LRBA: variants seen among roughly 807,000 people sequenced by gnomAD.
The protein encoded by LRBA is LPS responsive beige-like anchor protein.
Under a neutral mutation model 330.0 loss-of-function variants are expected in LRBA, and 176 were observed. The ratio of observed to expected loss-of-function variants is 0.53; its 90% CI spans 0.47 to 0.60. LRBA has a LOEUF of 0.60. LRBA is among the 20% of genes least tolerant of loss of function. The pLI is 0.00. For missense variants in LRBA, 3,259 were observed against 3,444.8 expected (o/e 0.95, Z 1.35); for synonymous variants, 1,230 against 1,193.0 (o/e 1.03, Z -0.64).
chr4:150,704,048 A>G (rs924857293), intron 36 of LRBA, among the ~76,000 whole-genome samples: 3 of 152,006 alleles, frequency 2.0e-5, no homozygotes, highest in African/African-American at 7.2e-5. Flanking sequence ...CTCTACAAAA[A>G]AAAATTTTTT....
chr4:150,744,116 A>G (rs1208102112), intron 35 of LRBA, among the ~76,000 whole-genome samples: 1 of 152,090 alleles, frequency 6.6e-6, no homozygotes, highest in African/African-American at 2.4e-5. Context: ...ACAGACAAAA[A>G]CCATCCCTAG....
intron 46 of LRBA, chr4:150,422,940 A>T: frequency 1.3e-6 from 1 of 788,566 alleles, no homozygotes; most frequent in East Asian, 2.4e-5. Context: ...ACAAGACTTC[A>T]TTCTTAATGA....
At chr4:150,347,538 C>T (rs1034585713) in intron 48 of LRBA, among the ~76,000 whole-genome samples, 10 of 151,500 alleles carry the variant, frequency 6.6e-5, no homozygotes, top group African/African-American at 2.2e-4. Context: ...TCCAGCTACT[C>T]AGGAGGCTGA....
chr4:150,948,110 G>A (rs1433594717), intron 2 of LRBA, among the ~76,000 whole-genome samples: 1 of 151,960 alleles, frequency 6.6e-6, no homozygotes, highest in Non-Finnish European at 1.5e-5. Context: ...CAAGACTTTT[G>A]CAGATATAGA....
chr4:150,856,749 C>T (rs1560922688), intron 22 of LRBA, among the ~76,000 whole-genome samples: 2 of 152,014 alleles, frequency 1.3e-5, no homozygotes, highest in Admixed American at 6.6e-5. Flanking sequence ...AATTAATTGC[C>T]AGATATTGTT....
At chr4:150,291,894 T>TA (rs1273522496) in intron 53 of LRBA, among the ~76,000 whole-genome samples, 4 of 152,102 alleles carry the variant, frequency 2.6e-5, no homozygotes, top group African/African-American at 4.8e-5. Context: ...TATGCAGCCA[T>TA]AAAAAATGAT....
rs1771627301 is a variant in LRBA at position 150,583,208 on chromosome 4, A to G, written c.6330+4840T>C. 1.2e-6 allele frequency: 2 copies of G among 1,614,200 alleles called. No homozygotes were observed. The highest frequency in any genetic ancestry group is 1.7e-6 in the Non-Finnish European group (2 of 1,180,016). On this transcript the variant is annotated intron_variant, in intron 40 of 56. Coordinates refer to ENST00000651943, the MANE Select transcript of LRBA (RefSeq NM_001364905.1). This position sits in a 1 kb window ranked among gnomAD's most constrained non-coding sequence, Gnocchi z 9.8. ...TTCATCAGCTCCTTGAGCGAGATCGATGCCCGCTACGAGGGGCTCGAGGTC... is the reference window on the plus strand; with the variant it reads ...TTCATCAGCTCCTTGAGCGAGATCGGTGCCCGCTACGAGGGGCTCGAGGTC...
At chr4:150,835,740 T>G (rs1209716762) in intron 28 of LRBA, among the ~76,000 whole-genome samples, 1 of 152,194 alleles carries the variant, frequency 6.6e-6, no homozygotes, top group Non-Finnish European at 1.5e-5. Flanking sequence ...AATCATGTCA[T>G]CTGCAAACAG....
intron 34 of LRBA, among the ~76,000 whole-genome samples, chr4:150,772,026 T>C (rs1736644520): frequency 1.3e-5 from 2 of 152,204 alleles, no homozygotes; most frequent in South Asian, 4.1e-4. Flanking sequence ...TAAACTTTTT[T>C]TGTCAACAAT....
chr4:150,488,125 T>A (rs1407956266), intron 41 of LRBA, among the ~76,000 whole-genome samples: 1 of 151,564 alleles, frequency 6.6e-6, no homozygotes, highest in Non-Finnish European at 1.5e-5. Flanking sequence ...TGAGACATGA[T>A]AATAATAATG....
intron 28 of LRBA, among the ~76,000 whole-genome samples, chr4:150,842,147 A>G (rs1027053010): frequency 2.6e-5 from 4 of 152,256 alleles, no homozygotes; most frequent in Non-Finnish European, 5.9e-5. Flanking sequence ...AATTGTTTGC[A>G]GAATATTGTA....
intron 37 of LRBA, among the ~76,000 whole-genome samples, chr4:150,630,504 C>T (rs186181732): frequency 8.9e-4 from 136 of 152,270 alleles, no homozygotes; most frequent in African/African-American, 3.2e-3. Flanking sequence ...TATCAGTAAT[C>T]ATGTCATATG....
intron 53 of LRBA, among the ~76,000 whole-genome samples, chr4:150,287,710 G>C (rs749176595): frequency 7.9e-5 from 12 of 152,228 alleles, no homozygotes; most frequent in Non-Finnish European, 1.5e-4. Flanking sequence ...GCTGGACCTA[G>C]CCTACAGGCT....
At chr4:150,280,433 G>A (rs1168906999) in intron 55 of LRBA, among the ~76,000 whole-genome samples, 3 of 152,212 alleles carry the variant, frequency 2.0e-5, no homozygotes, top group Non-Finnish European at 4.4e-5. Flanking sequence ...ATTCCCCTGG[G>A]TGAATGGTGG....
chr4:150,310,212 A>C lies in LRBA; in HGVS notation c.7849+17T>G, dbSNP rs1301534617. ...TATAGTAAACTTTAGTTCACTGATA[A>C]AGAAAATGAAAATTACCTGTGTCTG... On this transcript the variant is annotated intron_variant, in intron 52 of 56. Coordinates refer to ENST00000651943, the MANE Select transcript of LRBA (RefSeq NM_001364905.1). 1 of 1,586,442 alleles carries C rather than the reference A, an allele frequency of 6.3e-7. No individual in the cohort carries two copies. The highest frequency in any genetic ancestry group is 1.1e-5 in the South Asian group (1 of 90,052).
At chr4:150,914,377 CAA>C in intron 8 of LRBA, 36 bp from the exon 9 acceptor site, 1 of 1,354,926 alleles carries the variant, frequency 7.4e-7, no homozygotes, top group Non-Finnish European at 9.9e-7. Flanking sequence ...TAGGAAAAAA[CAA>C]AAAAAAACTC....
At chr4:150,650,348 A>G (rs1210239978) in intron 37 of LRBA, among the ~76,000 whole-genome samples, 1 of 152,192 alleles carries the variant, frequency 6.6e-6, no homozygotes, top group African/African-American at 2.4e-5. Flanking sequence ...CCCAATTTCT[A>G]TAAAATGTAA....
At chr4:150,969,959 G>A (rs1318203638) in intron 2 of LRBA, among the ~76,000 whole-genome samples, 1 of 152,192 alleles carries the variant, frequency 6.6e-6, no homozygotes, top group Admixed American at 6.5e-5. Context: ...GCATGCTACA[G>A]AGAAATTTTT....
chr4:150,665,781 T>C (rs1400687014), intron 37 of LRBA, among the ~76,000 whole-genome samples: 1 of 152,212 alleles, frequency 6.6e-6, no homozygotes, highest in Non-Finnish European at 1.5e-5. Flanking sequence ...ACCACAGATA[T>C]TTTCATCTGC....
Sources: allele counts gnomAD v4.1 joint callset (sites outside exome capture counted in the v4.1 genomes callset), GRCh38; gene constraint gnomAD v4.1.1; non-coding constraint Gnocchi (gnomAD v3.1); transcripts MANE v1.5; gene names NCBI Gene and HGNC (gene_info 2026-07-23, HGNC 2026-07-21).